GALNT8: variants seen among roughly 807,000 people sequenced by gnomAD.
GALNT8 encodes polypeptide N-acetylgalactosaminyltransferase 8.
A neutral mutation model predicts 62.7 loss-of-function variants in GALNT8; 66 were observed. The ratio of observed to expected loss-of-function variants is 1.05; its 90% CI spans 0.86 to 1.29. The LOEUF (loss-of-function observed/expected upper bound fraction) is 1.29. Among genes scored for constraint, GALNT8 ranks in the 50% most tolerant of loss-of-function variants. GALNT8 has a pLI of 0.00. For synonymous variants in GALNT8, 288 were observed against 294.3 expected, an observed-to-expected ratio of 0.98 and a Z score of 0.22; for missense variants, 771 against 791.8, an observed-to-expected ratio of 0.97 and a Z score of 0.32.
At chr12:4,722,003 G>C (rs1411000956) in intron 1 of GALNT8, among the ~76,000 whole-genome samples, 1 of 143,630 alleles carries the variant, frequency 7.0e-6, no homozygotes, top group East Asian at 1.9e-4. Context: ...AGCACATCTT[G>C]CATAGCCCTT....
At chr12:4,731,085 C>T (rs1430277486) in intron 2 of GALNT8, among the ~76,000 whole-genome samples, 3 of 152,032 alleles carry the variant, frequency 2.0e-5, no homozygotes, top group African/African-American at 7.2e-5. Flanking sequence ...ATCTGCCTGC[C>T]TCGGCCTCCC....
chr12:4,723,895 A>G (rs1156870909), intron 1 of GALNT8, among the ~76,000 whole-genome samples: 2 of 152,024 alleles, frequency 1.3e-5, no homozygotes, highest in Non-Finnish European at 2.9e-5. Flanking sequence ...TCACGCCTGT[A>G]ATCCTAGCAC....
In GALNT8 at chr12:4,726,454, A is replaced by T; in HGVS notation, c.212-78A>T. ...AGTGGGTAAACCGTTAGAGGAAATT[A>T]GGATGGAAAGGAATACCCAGGTAAC... On this transcript the variant is annotated intron_variant, in intron 1 of 10. Coordinates refer to ENST00000252318, the MANE Select transcript of GALNT8 (RefSeq NM_017417.2). This position sits in a 1 kb window ranked among gnomAD's most constrained non-coding sequence, Gnocchi z 4.1. 1 of 958,118 alleles carries T rather than the reference A, an allele frequency of 1.0e-6. No individual in the cohort carries two copies. Among genetic ancestry groups the T allele is most frequent in the Non-Finnish European group, 1.6e-6 (1 of 628,528 alleles). The allele number at this position is 958,118 out of a possible 1,614,324, so 59.4% of individuals were successfully genotyped here.
At chr12:4,744,918 T>C (rs1277643546) in intron 4 of GALNT8, among the ~76,000 whole-genome samples, 1 of 152,228 alleles carries the variant, frequency 6.6e-6, no homozygotes, top group Non-Finnish European at 1.5e-5. Flanking sequence ...ATGCTGACTT[T>C]GCCAAATACT....
chr12:4,743,932 A>G (rs1020701939), intron 3 of GALNT8, among the ~76,000 whole-genome samples: 1 of 152,212 alleles, frequency 6.6e-6, no homozygotes, highest in Non-Finnish European at 1.5e-5. Context: ...GAGAGGGAAG[A>G]GAGGGAAGAA....
intron 2 of GALNT8, among the ~76,000 whole-genome samples, chr12:4,735,328 G>A (rs929887829): frequency 1.6e-4 from 24 of 152,172 alleles, no homozygotes; most frequent in African/African-American, 5.6e-4. Flanking sequence ...GCAGGAGTCT[G>A]TGGCATTGGA....
At chr12:4,770,820 A>G (rs1392605654) in intron 10 of GALNT8, among the ~76,000 whole-genome samples, 1 of 152,200 alleles carries the variant, frequency 6.6e-6, no homozygotes, top group Non-Finnish European at 1.5e-5. Flanking sequence ...TGAAAGGGAT[A>G]GTAGAGTTAA....
At chr12:4,737,568 T>C (rs530173959) in intron 2 of GALNT8, among the ~76,000 whole-genome samples, 2 of 152,310 alleles carry the variant, frequency 1.3e-5, no homozygotes, top group Admixed American at 1.3e-4. Context: ...GAGAAACTAT[T>C]TTACCAGAGC....
At chr12:4,765,608 G>A (rs921598540) in intron 10 of GALNT8, 62 bp downstream of exon 10, 4 of 1,318,098 alleles carry the variant, frequency 3.0e-6, no homozygotes, top group Non-Finnish European at 4.3e-6. Flanking sequence ...TTGAGACTGA[G>A]TCTTGCTCTG....
chr12:4,771,016 C>T (rs1313449532), intron 10 of GALNT8, among the ~76,000 whole-genome samples: 1 of 152,146 alleles, frequency 6.6e-6, no homozygotes, highest in Non-Finnish European at 1.5e-5. Context: ...GGCATGGGGC[C>T]GCTCTTTTGA....
intron 6 of GALNT8, 57 bp downstream of exon 6, chr12:4,746,315 G>A: frequency 1.1e-6 from 1 of 947,006 alleles, no homozygotes; most frequent in Admixed American, 1.7e-5. Flanking sequence ...TAATAGAAAG[G>A]TAGTAGGACC....
intron 6 of GALNT8, among the ~76,000 whole-genome samples, chr12:4,758,381 G>GA (rs1484501194): frequency 6.6e-6 from 1 of 151,986 alleles, no homozygotes; most frequent in East Asian, 1.9e-4. Flanking sequence ...GGGTAGGAAA[G>GA]AAAAAACAGC....
At chr12:4,740,335 T>C (rs1400040665) in intron 3 of GALNT8, among the ~76,000 whole-genome samples, 1 of 152,190 alleles carries the variant, frequency 6.6e-6, no homozygotes, top group Non-Finnish European at 1.5e-5. Flanking sequence ...ATGTTGATAA[T>C]AATAACCATT....
At chr12:4,743,891 A>G (rs1168430711) in intron 3 of GALNT8, among the ~76,000 whole-genome samples, 4 of 152,360 alleles carry the variant, frequency 2.6e-5, no homozygotes, top group African/African-American at 9.6e-5. Context: ...GCTGAGCCCA[A>G]GAACAAAGCC....
At chr12:4,771,723 G>A (rs1299352490) in intron 10 of GALNT8, among the ~76,000 whole-genome samples, 1 of 152,140 alleles carries the variant, frequency 6.6e-6, no homozygotes, top group Admixed American at 6.5e-5. Flanking sequence ...GGTGGAGAGG[G>A]AACGTGGGAG....
intron 10 of GALNT8, chr12:4,768,419 G>A: frequency 2.7e-6 from 1 of 372,752 alleles, no homozygotes; most frequent in Non-Finnish European, 5.3e-6. Flanking sequence ...TTTTTTTTGT[G>A]TTTTTTCTTT....
At chr12:4,735,644 A>G (rs1282492150) in intron 2 of GALNT8, among the ~76,000 whole-genome samples, 1 of 152,202 alleles carries the variant, frequency 6.6e-6, no homozygotes, top group African/African-American at 2.4e-5. Context: ...GAGTCCCAAG[A>G]ACACGGGGCT....
chr12:4,747,055 A>G (rs114524156), intron 6 of GALNT8, among the ~76,000 whole-genome samples: 151 of 152,296 alleles, frequency 9.9e-4, no homozygotes, highest in African/African-American at 3.6e-3. Flanking sequence ...GAACAACCTA[A>G]ATTTAAAACA....
At chr12:4,739,435 G>T in intron 3 of GALNT8, 106 bp downstream of exon 3, 3 of 775,350 alleles carry the variant, frequency 3.9e-6, no homozygotes, top group Non-Finnish European at 6.3e-6. Flanking sequence ...GGTTTCTCAT[G>T]TAGGGAAAAT....
Sources: allele counts gnomAD v4.1 joint callset (sites outside exome capture counted in the v4.1 genomes callset), GRCh38; gene constraint gnomAD v4.1.1; non-coding constraint Gnocchi (gnomAD v3.1); transcripts MANE v1.5; gene names NCBI Gene and HGNC (gene_info 2026-07-23, HGNC 2026-07-21).